Variants in KANK4 observed in about 807,000 individuals in gnomAD.
The protein encoded by KANK4 is KN motif and ankyrin repeat domains 4, also known as KN motif and ankyrin repeat domain-containing protein 4.
KANK4 carries 50 observed loss-of-function variants against 80.8 expected under a neutral mutation model. The observed-to-expected ratio is 0.62, with a 90% CI of 0.49 to 0.78. The LOEUF (loss-of-function observed/expected upper bound fraction) is 0.78, where lower values mean the gene tolerates loss of function less well. Among genes scored for constraint, KANK4 ranks in the 30% least tolerant of loss-of-function variants. The pLI, the probability that KANK4 is intolerant of heterozygous loss-of-function variation, is 0.00. For missense variants in KANK4, 1,196 were observed against 1,240.1 expected (o/e 0.96, Z 0.53); for synonymous variants, 465 against 506.9 (o/e 0.92, Z 1.11).
chr1:62,296,778 G>A (rs1013232437), intron 1 of KANK4, among the ~76,000 whole-genome samples: 2 of 152,006 alleles, frequency 1.3e-5, no homozygotes, highest in South Asian at 2.1e-4. Flanking sequence ...GGGCTCAAGT[G>A]ATCTACCCGC....
In KANK4 at chr1:62,238,295, GC is replaced by G. The variant is rs1671253420; in HGVS notation, c.2969del (p.Gly990AlafsTer102). 10 of 1,613,702 alleles carry G rather than the reference GC, an allele frequency of 6.2e-6. No homozygotes were observed. The East Asian group carries it at 2.2e-4, about 36-fold the overall frequency. ...GCAGCCCCTACAGCCCCAGGGACCT[GC>G]CCTGCTCCGCGTGGGCTCTCAGAAG... The part of the protein sequence containing the change: ...AGLLRAHAEQ[G>X]RSLGL On this transcript the variant is annotated frameshift_variant, in exon 10 of 10. Coordinates refer to ENST00000371153, the MANE Select transcript of KANK4 (RefSeq NM_181712.5). LOFTEE classifies it high-confidence loss of function.
intron 6 of KANK4, chr1:62,263,521 G>T: frequency 5.4e-6 from 3 of 557,910 alleles, no homozygotes; most frequent in South Asian, 4.5e-5. Flanking sequence ...GAGTGGAAAG[G>T]AAGACTGGGA....
chr1:62,248,031 G>A (rs1326426199), intron 8 of KANK4, among the ~76,000 whole-genome samples: 1 of 152,072 alleles, frequency 6.6e-6, no homozygotes, highest in African/African-American at 2.4e-5. Flanking sequence ...CCAAGAACGT[G>A]CTGATAAATG....
intron 9 of KANK4, among the ~76,000 whole-genome samples, chr1:62,246,056 T>C (rs1352025595): frequency 6.6e-6 from 1 of 152,112 alleles, no homozygotes; most frequent in Admixed American, 6.6e-5. Context: ...TCCGTCTCCT[T>C]GAGCAAAGTG....
Position 62,278,395 on chromosome 1 carries a change from TTC to T in KANK4, c.16+3152_16+3153del, listed in dbSNP as rs1491457094. ...TTCCTTCCTTTCTTTCTTTCTTTCT[TTC>T]TTTTTTTTTTTTGAGATGGAATTTC... is the stretch of plus-strand genomic sequence containing the variant. On this transcript the variant is annotated intron_variant, in intron 2 of 9. Coordinates refer to ENST00000371153, the MANE Select transcript of KANK4 (RefSeq NM_181712.5). Among the ~76,000 whole-genome samples the T allele has an allele frequency of 5.2e-4, 29 of 55,938 alleles. 2 individuals are homozygous for T. The highest frequency in any genetic ancestry group is 7.3e-4 in the Non-Finnish European group (24 of 32,684). 36.7% of individuals were successfully genotyped at this position (55,938 alleles called of 152,430 possible). A position where few individuals can be genotyped will look rare whatever the true frequency, so the allele number is the denominator to read the frequency against.
At position 62,273,878 on chromosome 1, in the gene KANK4, T is replaced by C. The variant is rs773883297; in HGVS notation, c.1226A>G (p.Gln409Arg). 23 of 1,614,132 alleles carry C rather than the reference T, an allele frequency of 1.4e-5. No individual in the cohort carries two copies. The highest frequency in any genetic ancestry group is 1.4e-5 in the Non-Finnish European group (17 of 1,180,058). Reference sequence around the variant, plus strand: ...GTCAGTGTTCACCATCACGTCCGTCTGGCCCTGAGTGTCTTTGGCGTTCTC... The same window carrying C: ...GTCAGTGTTCACCATCACGTCCGTCCGGCCCTGAGTGTCTTTGGCGTTCTC... ...HQENAKDTQGQTDVMVNTDPV... is the reference protein window; with the variant it reads ...HQENAKDTQGRTDVMVNTDPV... Residue 409 changes from glutamine to arginine, a missense_variant, in exon 3 of 10, where the codon CAG becomes CGG. Physicochemically the swap from Gln to Arg is conservative, Grantham distance 43. Coordinates refer to ENST00000371153, the MANE Select transcript of KANK4 (RefSeq NM_181712.5).
chr1:62,285,507 A>T (rs1365113596), intron 1 of KANK4, among the ~76,000 whole-genome samples: 1 of 152,180 alleles, frequency 6.6e-6, no homozygotes, highest in Non-Finnish European at 1.5e-5. Flanking sequence ...TTAGTCTTGA[A>T]ACAAACCTGG....
chr1:62,262,035 G>A (rs1216503483), intron 7 of KANK4, among the ~76,000 whole-genome samples: 1 of 152,242 alleles, frequency 6.6e-6, no homozygotes, highest in Non-Finnish European at 1.5e-5. Flanking sequence ...ATCCCTGGTA[G>A]TAGCCAGTAT....
Position 62,273,913 on chromosome 1 carries a change from CTGTCCTTCCAG to C in KANK4, c.1180_1190del (p.Leu394ValfsTer20). On this transcript the variant is annotated frameshift_variant, in exon 3 of 10. Coordinates refer to ENST00000371153, the MANE Select transcript of KANK4 (RefSeq NM_181712.5). LOFTEE classifies it high-confidence loss of function. ...TGTCTTTGGCGTTCTCTTGGTGAAACTGTCCTTCCAGTTGGGCTACAGTGAACTCCAGCTCT... is the reference window on the plus strand; with the variant it reads ...TGTCTTTGGCGTTCTCTTGGTGAAACTTGGGCTACAGTGAACTCCAGCTCT... 6.2e-7 allele frequency: 1 copy of C among 1,614,186 alleles called. No homozygotes were observed. Among genetic ancestry groups the C allele is most frequent in the Non-Finnish European group, 8.5e-7 (1 of 1,180,038 alleles).
In KANK4 at chr1:62,241,203, C is replaced by T. The variant is rs1375409140; in HGVS notation, c.2884-2822G>A. On this transcript the variant is annotated intron_variant, in intron 9 of 9. Transcript: ENST00000371153. The stretch of plus-strand genomic sequence containing the variant: ...TCCCATGCACGGGGATAGAATCCAG[C>T]GGCCATCAGGGCTCCCACGCATGCA... 4.6e-5 allele frequency among the ~76,000 whole-genome samples: 7 copies of T among 152,172 alleles called. No homozygotes were observed. The South Asian group carries it at 8.3e-4, about 18-fold the overall frequency.
At position 62,274,416 on chromosome 1, in the gene KANK4, C is replaced by T; in HGVS notation, c.688G>A (p.Glu230Lys). Residue 230 changes from glutamate (E) to lysine (K), a missense_variant, in exon 3 of 10, where the codon GAG (glutamate) becomes AAG (lysine). By Grantham distance (56) the Glu-to-Lys change is moderately conservative. This residue lies in a region of KANK4 where 1,154 missense variants were observed against 1,179.6 expected (regional missense o/e 0.98). Coordinates refer to ENST00000371153, the MANE Select transcript of KANK4 (RefSeq NM_181712.5). Reference sequence around the variant, plus strand: ...ACACCCTCTGGAGGCTCAGCTCCCTCCTGGACCAGCTCTGGAATCCGAGTT... The same window carrying T: ...ACACCCTCTGGAGGCTCAGCTCCCTTCTGGACCAGCTCTGGAATCCGAGTT... ...ASTRIPELVQ[E>K]GAEPPEGVVK... 3 of 1,614,218 alleles carry T rather than the reference C, an allele frequency of 1.9e-6. No individual in the cohort carries two copies. Among genetic ancestry groups the T allele is most frequent in the Middle Eastern group, 1.6e-4 (1 of 6,062 alleles).
intron 1 of KANK4, among the ~76,000 whole-genome samples, chr1:62,318,144 G>T (rs1470702264): frequency 3.9e-5 from 6 of 152,136 alleles, no homozygotes; most frequent in African/African-American, 1.4e-4. Flanking sequence ...GCCTCAGCCG[G>T]GTCACTGGCT....
intron 7 of KANK4, among the ~76,000 whole-genome samples, 200 bp from the exon 8 acceptor site, chr1:62,253,409 C>CTTTTTTTTTTTTTTTTTTTTTTT (rs34488630): frequency 1.8e-5 from 2 of 110,982 alleles, no homozygotes; most frequent in Non-Finnish European, 3.5e-5. Flanking sequence ...TTCTTTCTTT[C>CTTTTTTTTTTTTTTTTTTTTTTT]TTTTTTTTTT....
At chr1:62,263,591 G>A (rs1263040419) in intron 6 of KANK4, among the ~76,000 whole-genome samples, 1 of 152,170 alleles carries the variant, frequency 6.6e-6, no homozygotes, top group East Asian at 1.9e-4. Context: ...TCTGCGGGAA[G>A]TTTAGCTCAC....
chr1:62,302,786 C>T (rs976429910), intron 1 of KANK4, among the ~76,000 whole-genome samples: 2 of 152,084 alleles, frequency 1.3e-5, no homozygotes, highest in South Asian at 2.1e-4. Context: ...TAAGCCACCC[C>T]GTCTATGGTA....
Position 62,273,338 on chromosome 1 carries a change from A to G in KANK4, c.1766T>C (p.Ile589Thr), listed in dbSNP as rs1204169877. 4 of 1,608,744 alleles carry G rather than the reference A, an allele frequency of 2.5e-6. No homozygotes were observed. The highest frequency in any genetic ancestry group is 3.4e-6 in the Non-Finnish European group (4 of 1,176,114). ...GCTGAGCTTGGAGGCTGGCTGCTTG[A>G]TGGCGCTGGCCAGCTCCGGGTACCC... ...EHGYPELASAIKQPASKLSSI... is the reference protein window; with the variant it reads ...EHGYPELASATKQPASKLSSI... The change falls in exon 3 of 10, where the codon ATC becomes ACC. Residue 589 changes from isoleucine to threonine, a missense_variant. By Grantham distance (89) the Ile-to-Thr change is moderately conservative (BLOSUM62 -1). Transcript: ENST00000371153.
intron 1 of KANK4, among the ~76,000 whole-genome samples, chr1:62,288,560 AG>A (rs11343018): frequency 0.33 from 50,593 of 152,030 alleles, 9,344 homozygotes; most frequent in South Asian, 0.57. Context: ...CAACTTAAAT[AG>A]GCAGAGAAAG....
At chr1:62,316,592 G>C (rs545895608) in intron 1 of KANK4, among the ~76,000 whole-genome samples, 4 of 152,312 alleles carry the variant, frequency 2.6e-5, no homozygotes, top group Admixed American at 2.6e-4. Flanking sequence ...TTGGAAATGG[G>C]TTAATGGAGC....
intron 1 of KANK4, among the ~76,000 whole-genome samples, chr1:62,310,517 G>A (rs1644490033): frequency 1.3e-5 from 2 of 152,212 alleles, no homozygotes; most frequent in African/African-American, 2.4e-5. Context: ...CTGAAAGGGG[G>A]AATGAAAGAA....
Sources: gnomAD v4.1 joint callset for allele counts (sites outside exome capture counted in the v4.1 genomes callset) on GRCh38, gnomAD v4.1.1 for gene constraint, gnomAD v4.1.1 regional missense constraint, MANE v1.5 for transcripts, NCBI Gene and HGNC (gene_info 2026-07-23, HGNC 2026-07-21) for gene names.